TASOR: variants seen among roughly 807,000 people sequenced by gnomAD.
TASOR encodes transcription activation suppressor, also known as protein TASOR.
In TASOR, 53 loss-of-function variants were observed where a neutral mutation model predicts 178.6. That is an observed-to-expected ratio of 0.30 (90% confidence interval 0.24 to 0.37). TASOR has a LOEUF of 0.37. Among genes scored for constraint, TASOR ranks in the 10% least tolerant of loss-of-function variants. The probability of loss-of-function intolerance (pLI) is 1.00; values close to 1 mark genes in which losing one functional copy is unlikely to be tolerated. For synonymous variants in TASOR, 713 were observed against 696.2 expected (o/e 1.02, Z -0.38); for missense variants, 1,815 against 1,971.4 (o/e 0.92, Z 1.50).
In TASOR at chr3:56,633,984, A is replaced by G. The variant is rs1452803594; in HGVS notation, c.2825-18T>C. ...TTTCATACCTATACAGGAAGAGTTC[A>G]TTATTATAAGAGCAATCCAAAAAGA... On this transcript the variant is annotated intron_variant, in intron 17 of 23. Coordinates refer to ENST00000683822, the MANE Select transcript of TASOR (RefSeq NM_001365635.2). 6.7e-7 allele frequency: 1 copy of G among 1,499,422 alleles called. No individual in the cohort carries two copies. Among genetic ancestry groups the G allele is most frequent in the African/African-American group, 1.4e-5 (1 of 71,150 alleles). The allele number at this position is 1,499,422 out of a possible 1,614,324, so 92.9% of individuals were successfully genotyped here. A position where few individuals can be genotyped will look rare whatever the true frequency, so the allele number is the denominator to read the frequency against.
At chr3:56,676,627 T>C (rs564339504) in intron 1 of TASOR, among the ~76,000 whole-genome samples, 7 of 152,260 alleles carry the variant, frequency 4.6e-5, no homozygotes, top group Admixed American at 1.3e-4. Context: ...ATATAAAATG[T>C]ACACAAAAAA....
At chr3:56,630,421 C>G (rs1009831803) in intron 18 of TASOR, among the ~76,000 whole-genome samples, 10 of 152,184 alleles carry the variant, frequency 6.6e-5, no homozygotes, top group African/African-American at 2.4e-4. Flanking sequence ...AAGTTTCAAT[C>G]TGGTTTTCTA....
intron 11 of TASOR, among the ~76,000 whole-genome samples, chr3:56,656,586 G>A (rs1293270883): frequency 6.6e-6 from 1 of 151,634 alleles, no homozygotes; most frequent in Non-Finnish European, 1.5e-5. Context: ...GCGAGACTCT[G>A]TCCCCCGCCC....
intron 17 of TASOR, among the ~76,000 whole-genome samples, chr3:56,635,741 A>G (rs1251914458): frequency 6.6e-6 from 1 of 152,072 alleles, no homozygotes; most frequent in African/African-American, 2.4e-5. Flanking sequence ...TTCCAAGTAG[A>G]TGGGATTACA....
At chr3:56,649,866 CACAATATTT>C (rs2077313793) in intron 11 of TASOR, among the ~76,000 whole-genome samples, 1 of 152,150 alleles carries the variant, frequency 6.6e-6, no homozygotes, top group African/African-American at 2.4e-5. Flanking sequence ...TTACAAACAT[CACAATATTT>C]ATCACTGGCA....
At chr3:56,645,931 G>C (rs1048650507) in intron 14 of TASOR, among the ~76,000 whole-genome samples, 1 of 152,106 alleles carries the variant, frequency 6.6e-6, no homozygotes, top group Non-Finnish European at 1.5e-5. Context: ...GGCGGATCAC[G>C]AGGTCAGGAG....
intron 21 of TASOR, among the ~76,000 whole-genome samples, 196 bp from the exon 22 acceptor site, chr3:56,625,202 C>T (rs1047374342): frequency 9.2e-5 from 14 of 152,182 alleles, no homozygotes; most frequent in African/African-American, 2.2e-4. Flanking sequence ...GTTTCTTGGT[C>T]GCGAGGCCTC....
In TASOR at chr3:56,660,899, A is replaced by G; in HGVS notation, c.1264+15T>C. The G allele has an allele frequency of 6.2e-7, 1 of 1,608,360 alleles. No homozygotes were observed. Among genetic ancestry groups the G allele is most frequent in the South Asian group, 1.1e-5 (1 of 89,844 alleles). ...TCTGCTTCTAATGCATTTCAATAAA[A>G]TTAAATTACCTTACCTTCATTTGGA... On this transcript the variant is annotated intron_variant, in intron 10 of 23. Coordinates refer to ENST00000683822, the MANE Select transcript of TASOR (RefSeq NM_001365635.2).
At chr3:56,682,077 C>G (rs1404872331) in intron 1 of TASOR, among the ~76,000 whole-genome samples, 5 of 152,134 alleles carry the variant, frequency 3.3e-5, no homozygotes, top group African/African-American at 1.2e-4. Context: ...TTTAATCTAA[C>G]GCTTCAAAAA....
At position 56,646,690 on chromosome 3, in the gene TASOR, C is replaced by A. The variant is rs373875530; in HGVS notation, c.2047G>T (p.Glu683Ter). Residue 683 changes from glutamate (E) to a stop codon, truncating the protein, a stop_gained, in exon 14 of 24, where the codon GAA becomes TAA. Transcript: ENST00000683822. LOFTEE classifies it high-confidence loss of function. ...CTACACTGAATTAAATTAATCAATT[C>A]TTTGACTCTATCCTTATCATAATCC... is the stretch of plus-strand genomic sequence containing the variant. Reference protein sequence around the residue: ...SLDYDKDRVKELINLIQCRKK... With the variant: ...SLDYDKDRVK 3 of 1,613,908 alleles carry A rather than the reference C, an allele frequency of 1.9e-6. No individual in the cohort carries two copies. The highest frequency in any genetic ancestry group is 2.5e-6 in the Non-Finnish European group (3 of 1,180,012).
intron 23 of TASOR, chr3:56,623,873 C>T (rs1371672719): frequency 2.6e-6 from 4 of 1,528,522 alleles, no homozygotes; most frequent in Admixed American, 4.2e-5. Context: ...CAGTATTTGA[C>T]AAGACAAATA....
At chr3:56,653,040 G>T (rs1473941192) in intron 11 of TASOR, among the ~76,000 whole-genome samples, 5 of 152,098 alleles carry the variant, frequency 3.3e-5, no homozygotes, top group Middle Eastern at 3.4e-3. Context: ...CGAGGCCAGT[G>T]GATCACCTGA....
At chr3:56,634,664 C>A (rs1373714952) in intron 17 of TASOR, among the ~76,000 whole-genome samples, 1 of 152,050 alleles carries the variant, frequency 6.6e-6, no homozygotes, top group African/African-American at 2.4e-5. Flanking sequence ...GGAAATAATT[C>A]TAAAAGAAAA....
At chr3:56,655,805 T>C (rs975035532) in intron 11 of TASOR, among the ~76,000 whole-genome samples, 1 of 151,910 alleles carries the variant, frequency 6.6e-6, no homozygotes, top group East Asian at 1.9e-4. Context: ...ACCAAAAAAA[T>C]AGAGTAACTG....
intron 17 of TASOR, among the ~76,000 whole-genome samples, chr3:56,634,501 G>A (rs1031808908): frequency 6.6e-6 from 1 of 152,140 alleles, no homozygotes; most frequent in African/African-American, 2.4e-5. Flanking sequence ...TTTCAGACTT[G>A]TTCTCACTTA....
chr3:56,641,177 C>G (rs2077115996), intron 15 of TASOR, among the ~76,000 whole-genome samples, 172 bp downstream of exon 15: 1 of 144,092 alleles, frequency 6.9e-6, no homozygotes, highest in Admixed American at 6.8e-5. Flanking sequence ...CAGCATTTAT[C>G]TCTTTGTAAC....
intron 17 of TASOR, 128 bp from the exon 18 acceptor site, chr3:56,634,094 T>A: frequency 1.3e-6 from 1 of 749,680 alleles, no homozygotes; most frequent in South Asian, 2.2e-5. Flanking sequence ...GAAGGTAAAA[T>A]AAAATCCTAA....
At chr3:56,669,923 G>T in intron 4 of TASOR, 132 bp from the exon 5 acceptor site, 1 of 874,168 alleles carries the variant, frequency 1.1e-6, no homozygotes, top group Non-Finnish European at 1.7e-6. Flanking sequence ...AGATAAAACT[G>T]ATCTTACATT....
chr3:56,674,568 AAGT>A (rs1340426696), intron 1 of TASOR, among the ~76,000 whole-genome samples: 3 of 152,194 alleles, frequency 2.0e-5, no homozygotes, highest in South Asian at 4.1e-4. Context: ...AATCCACAAA[AAGT>A]AGTAGAACAT....
Sources: allele counts gnomAD v4.1 joint callset (sites outside exome capture counted in the v4.1 genomes callset), GRCh38; gene constraint gnomAD v4.1.1; transcripts MANE v1.5; gene names NCBI Gene and HGNC (gene_info 2026-07-23, HGNC 2026-07-21).